MARCHF1: variants seen among roughly 807,000 people sequenced by gnomAD.
MARCHF1 encodes membrane associated ring-CH-type finger 1.
Under a neutral mutation model 54.2 loss-of-function variants are expected in MARCHF1, and 40 were observed. The ratio of observed to expected loss-of-function variants is 0.74; its 90% CI spans 0.57 to 0.96. MARCHF1 has a LOEUF of 0.96. Among genes scored for constraint, MARCHF1 ranks in the 40% least tolerant of loss-of-function variants. MARCHF1 has a pLI of 0.00. For synonymous variants in MARCHF1, 236 were observed against 236.3 expected, an observed-to-expected ratio of 1.00 and a Z score of 0.01; for missense variants, 586 against 656.5, an observed-to-expected ratio of 0.89 and a Z score of 1.17.
chr4:163,782,316 T>C (rs1747487582), intron 4 of MARCHF1, among the ~76,000 whole-genome samples: 1 of 152,108 alleles, frequency 6.6e-6, no homozygotes, highest in Non-Finnish European at 1.5e-5. Context: ...ACAAAGCAGA[T>C]TGACATTATC....
intron 4 of MARCHF1, among the ~76,000 whole-genome samples, chr4:163,776,312 ATCTG>A (rs1747302824): frequency 6.6e-6 from 1 of 151,636 alleles, no homozygotes; most frequent in South Asian, 2.1e-4. Context: ...TATCTGTTCT[ATCTG>A]TCTCTCTCTT....
intron 2 of MARCHF1, among the ~76,000 whole-genome samples, chr4:164,042,697 C>T (rs1754154613): frequency 1.3e-5 from 2 of 152,166 alleles, no homozygotes; most frequent in Admixed American, 6.5e-5. Flanking sequence ...TTCATTTCAG[C>T]ATTAACTCAA....
intron 1 of MARCHF1, among the ~76,000 whole-genome samples, chr4:164,281,014 G>A (rs542990947): frequency 1.3e-5 from 2 of 151,908 alleles, no homozygotes; most frequent in Non-Finnish European, 2.9e-5. Context: ...CATAAAATAT[G>A]GAAAAAATCC....
In MARCHF1 at chr4:164,141,961, G is replaced by C. The variant is rs1280295707; in HGVS notation, c.-322-30299C>G. Reference sequence around the variant, plus strand: ...GACAGTGGGCGCAGGTCAGTGGGTGGGCGCACCGTGAGCGAGCCAAAGTAG... The same window carrying C: ...GACAGTGGGCGCAGGTCAGTGGGTGCGCGCACCGTGAGCGAGCCAAAGTAG... On this transcript the variant is annotated intron_variant, in intron 1 of 9. Transcript: ENST00000514618. Among the ~76,000 whole-genome samples the C allele has an allele frequency of 3.3e-5, 5 of 152,176 alleles. No homozygotes were observed. In the East Asian group the frequency reaches 9.7e-4, roughly 29 times the overall value.
intron 1 of MARCHF1, among the ~76,000 whole-genome samples, chr4:164,246,458 G>T (rs1382464614): frequency 2.5e-4 from 13 of 51,602 alleles, no homozygotes; most frequent in African/African-American, 6.0e-4. Flanking sequence ...GTTCAAGATG[G>T]ATTAAAGACT....
chr4:163,665,275 T>C (rs941788154), intron 5 of MARCHF1, among the ~76,000 whole-genome samples: 1 of 152,094 alleles, frequency 6.6e-6, no homozygotes, highest in East Asian at 1.9e-4. Flanking sequence ...ACAATGTTTT[T>C]TAATTGCGTA....
chr4:163,601,394 AG>A (rs1740959747), intron 7 of MARCHF1, among the ~76,000 whole-genome samples: 1 of 83,430 alleles, frequency 1.2e-5, no homozygotes, highest in South Asian at 4.6e-4. Context: ...AAAGAAAGAA[AG>A]TGTTGCTTTT....
chr4:164,269,173 G>T (rs2111302310), intron 1 of MARCHF1, among the ~76,000 whole-genome samples: 1 of 152,240 alleles, frequency 6.6e-6, no homozygotes, highest in Non-Finnish European at 1.5e-5. Context: ...TCATGAAAAA[G>T]GGGATCTTGG....
intron 2 of MARCHF1, among the ~76,000 whole-genome samples, chr4:164,012,294 T>A (rs563452608): frequency 6.6e-6 from 1 of 152,010 alleles, no homozygotes; most frequent in Non-Finnish European, 1.5e-5. Flanking sequence ...AAAGATTCCT[T>A]CTGCTTGACA....
chr4:164,061,902 A>G (rs1754625803), intron 2 of MARCHF1, among the ~76,000 whole-genome samples: 1 of 152,132 alleles, frequency 6.6e-6, no homozygotes, highest in Non-Finnish European at 1.5e-5. Context: ...GACTGAGATG[A>G]CTATGGCAAT....
At position 163,733,197 on chromosome 4, in the gene MARCHF1, A is replaced by ACACACATG. The variant is rs1554008827; in HGVS notation, c.112-32335_112-32334insCATGTGTG. On this transcript the variant is annotated intron_variant, in intron 4 of 9. Transcript: ENST00000514618. ...TGTGTGTATATATATATATATATAT[A>ACACACATG]TATATATATATATATATATATATAC... Among the ~76,000 whole-genome samples the ACACACATG allele has an allele frequency of 1.3e-3, 41 of 32,316 alleles. 5 individuals are homozygous for ACACACATG. Among genetic ancestry groups the ACACACATG allele is most frequent in the South Asian group, 8.6e-3 (6 of 696 alleles). The allele number at this position is 32,316 out of a possible 152,430, so 21.2% of individuals were successfully genotyped here.
chr4:164,193,380 G>T (rs1329931317), intron 1 of MARCHF1, among the ~76,000 whole-genome samples: 1 of 151,952 alleles, frequency 6.6e-6, no homozygotes, highest in Non-Finnish European at 1.5e-5. Flanking sequence ...CAGGAGCCGA[G>T]AAGTTGATTT....
chr4:164,302,655 A>G (rs183906423), intron 1 of MARCHF1, among the ~76,000 whole-genome samples: 6 of 152,132 alleles, frequency 3.9e-5, no homozygotes, highest in Admixed American at 1.3e-4. Context: ...AGGTAGGTGG[A>G]TAACTTGAGG....
intron 2 of MARCHF1, among the ~76,000 whole-genome samples, chr4:164,021,468 G>T (rs1277787781): frequency 6.6e-6 from 1 of 151,976 alleles, no homozygotes; most frequent in East Asian, 1.9e-4. Context: ...TTGAGCCTTT[G>T]AAATTAAGCC....
At chr4:164,287,002 T>C (rs1734167000) in intron 1 of MARCHF1, among the ~76,000 whole-genome samples, 1 of 149,832 alleles carries the variant, frequency 6.7e-6, no homozygotes, top group Admixed American at 6.6e-5. Flanking sequence ...TTCCTGGGGT[T>C]CAGATGCAGC....
chr4:164,213,825 T>C (rs1731849479), intron 1 of MARCHF1, among the ~76,000 whole-genome samples: 1 of 151,968 alleles, frequency 6.6e-6, no homozygotes, highest in Non-Finnish European at 1.5e-5. Flanking sequence ...TTAATTAAAA[T>C]CTAATTTGGG....
In MARCHF1 at chr4:164,226,769, C is replaced by T. The variant is rs150200824; in HGVS notation, c.-322-115107G>A. Among the ~76,000 whole-genome samples, 962 of 152,128 alleles carry T rather than the reference C, an allele frequency of 6.3e-3. 24 individuals carry two copies. Among genetic ancestry groups the T allele is most frequent in the Admixed American group, 0.053 (800 of 15,232 alleles). On this transcript the variant is annotated intron_variant, in intron 1 of 9. Coordinates refer to ENST00000514618, the MANE Select transcript of MARCHF1 (RefSeq NM_001394959.1). Reference sequence around the variant, plus strand: ...ATTTCAAATGACTGTACATTCTTCCCTTCCCACAGCTCATCCCCATCTCTC... The same window carrying T: ...ATTTCAAATGACTGTACATTCTTCCTTTCCCACAGCTCATCCCCATCTCTC...
intron 5 of MARCHF1, among the ~76,000 whole-genome samples, chr4:163,645,536 C>T (rs1169153778): frequency 6.6e-6 from 1 of 152,150 alleles, no homozygotes; most frequent in African/African-American, 2.4e-5. Flanking sequence ...AAATGGTGAT[C>T]TATAAATTGC....
chr4:164,361,189 A>G (rs930908498), intron 1 of MARCHF1, among the ~76,000 whole-genome samples: 2 of 152,024 alleles, frequency 1.3e-5, no homozygotes, highest in African/African-American at 4.8e-5. Context: ...CTGATGCTTT[A>G]TTAGTTAATT....
Sources: gnomAD v4.1 joint callset for allele counts (sites outside exome capture counted in the v4.1 genomes callset) on GRCh38, gnomAD v4.1.1 for gene constraint, MANE v1.5 for transcripts, NCBI Gene and HGNC (gene_info 2026-07-23, HGNC 2026-07-21) for gene names.